Variants in NMD3 observed in about 807,000 individuals in gnomAD.
NMD3 encodes the protein 60S ribosomal export protein NMD3.
A neutral mutation model predicts 73.1 loss-of-function variants in NMD3; 47 were observed. The ratio of observed to expected loss-of-function variants is 0.64; its 90% CI spans 0.51 to 0.82. The LOEUF (loss-of-function observed/expected upper bound fraction) is 0.82. NMD3 is among the 40% of genes least tolerant of loss of function. The pLI is 0.00. For missense variants in NMD3, 554 were observed against 612.5 expected (o/e 0.90, Z 1.01); for synonymous variants, 210 against 194.5 (o/e 1.08, Z -0.66).
chr3:161,238,091 G>C, intron 7 of NMD3, 22 bp from the exon 8 acceptor site: 4 of 1,424,126 alleles, frequency 2.8e-6, no homozygotes, highest in Admixed American at 2.0e-5. Flanking sequence ...TATTTTCATA[G>C]GGCTTTTTTT....
chr3:161,244,277 G>A (rs571129308), intron 11 of NMD3, among the ~76,000 whole-genome samples: 1 of 152,130 alleles, frequency 6.6e-6, no homozygotes, highest in African/African-American at 2.4e-5. Flanking sequence ...CCACAAGTAT[G>A]TGCCACCATG....
chr3:161,234,968 T>C, intron 6 of NMD3, 113 bp downstream of exon 6: 1 of 1,099,100 alleles, frequency 9.1e-7, no homozygotes, highest in African/African-American at 1.6e-5. Context: ...AGCATTCACC[T>C]TTGGAAATAG....
chr3:161,250,248 A>G lies in NMD3; in HGVS notation c.1311-8A>G. ...TTGGTGATGAAATATTTAAATGTTT[A>G]TTTAAAGGCAATACCAAGATTTTCT... On this transcript the variant is annotated splice_region_variant and splice_polypyrimidine_tract_variant and intron_variant, in intron 14 of 15. Transcript: ENST00000351193. The G allele has an allele frequency of 4.8e-6, 7 of 1,472,792 alleles. No individual in the cohort carries two copies. The highest frequency in any genetic ancestry group is 6.6e-6 in the Non-Finnish European group (7 of 1,055,850). The allele number at this position is 1,472,792 out of a possible 1,614,324, so 91.2% of individuals were successfully genotyped here.
Position 161,250,756 on chromosome 3 carries a change from T to G in NMD3, c.1382-24T>G, listed in dbSNP as rs1172097124. On this transcript the variant is annotated intron_variant, in intron 15 of 15. Transcript: ENST00000351193. ...ATACATATAAATACTTTGTATTTAT[T>G]TTATTCTCTTTGTATTTTTTTAGAT... 2.0e-6 allele frequency: 3 copies of G among 1,506,268 alleles called. No individual in the cohort carries two copies. The South Asian group carries it at 3.5e-5, about 17-fold the overall frequency. The allele number at this position is 1,506,268 out of a possible 1,614,324, so 93.3% of individuals were successfully genotyped here. A position where few individuals can be genotyped will look rare whatever the true frequency, so the allele number is the denominator to read the frequency against.
In NMD3 at chr3:161,242,668, G is replaced by A. The variant is rs1737038755; in HGVS notation, c.1017+15G>A. ...TATCAAAAAAGGTAAGCTACATCCT[G>A]CCTGCCAGTGTATTTTTTTTTCCCC... is the stretch of plus-strand genomic sequence containing the variant. On this transcript the variant is annotated intron_variant, in intron 11 of 15. Transcript: ENST00000351193. 1.3e-6 allele frequency: 2 copies of A among 1,595,734 alleles called. No individual in the cohort carries two copies. Among genetic ancestry groups the A allele is most frequent in the Admixed American group, 1.7e-5 (1 of 57,360 alleles).
At chr3:161,237,749 T>C (rs1736818082) in intron 7 of NMD3, among the ~76,000 whole-genome samples, 1 of 151,884 alleles carries the variant, frequency 6.6e-6, no homozygotes. Flanking sequence ...AGAATGGTCT[T>C]GATCTCCTGA....
intron 8 of NMD3, 93 bp downstream of exon 8, chr3:161,238,284 T>A: frequency 1.2e-6 from 1 of 819,010 alleles, no homozygotes; most frequent in Non-Finnish European, 2.0e-6. Flanking sequence ...CTTCTCTTTA[T>A]TTAAAATCGT....
In NMD3 at chr3:161,221,958, C is replaced by CTTTTTT. The variant is rs376329329; in HGVS notation, c.-20-11_-20-6dup. The CTTTTTT allele has an allele frequency of 1.5e-4, 134 of 868,740 alleles. 2 individuals are homozygous for CTTTTTT. Among genetic ancestry groups the CTTTTTT allele is most frequent in the African/African-American group, 1.3e-3 (63 of 46,960 alleles). 53.8% of individuals were successfully genotyped at this position (868,740 alleles called of 1,614,324 possible). On this transcript the variant is annotated intron_variant, in intron 1 of 15. Coordinates refer to ENST00000351193, the MANE Select transcript of NMD3 (RefSeq NM_015938.5). ...AAAGTGATTTAAATCCCAACATTCT[C>CTTTTTT]TTTTTTTTTTTTTTTTTTTTTTTTT...
At chr3:161,238,964 C>A in intron 9 of NMD3, 138 bp downstream of exon 9, 1 of 487,802 alleles carries the variant, frequency 2.1e-6, no homozygotes, top group Non-Finnish European at 3.7e-6. Context: ...ACTTCTAACA[C>A]ATTCAGCCAT....
At chr3:161,248,356 G>T (rs962364905) in intron 13 of NMD3, among the ~76,000 whole-genome samples, 4 of 151,894 alleles carry the variant, frequency 2.6e-5, no homozygotes, top group African/African-American at 9.7e-5. Flanking sequence ...CAGGCGTGGT[G>T]GCATGCACCT....
intron 9 of NMD3, among the ~76,000 whole-genome samples, chr3:161,240,526 A>ATTT (rs539406360): frequency 9.0e-5 from 10 of 111,728 alleles, no homozygotes; most frequent in African/African-American, 1.5e-4. Flanking sequence ...TGGGCCCTGG[A>ATTT]TTTTTTTTTT....
chr3:161,240,107 T>C (rs1388864459), intron 9 of NMD3, among the ~76,000 whole-genome samples: 2 of 152,234 alleles, frequency 1.3e-5, no homozygotes, highest in African/African-American at 2.4e-5. Context: ...AGTATATTTG[T>C]TTATCTTTGG....
intron 4 of NMD3, among the ~76,000 whole-genome samples, chr3:161,233,166 T>C (rs1736606589): frequency 1.3e-5 from 2 of 152,258 alleles, no homozygotes; most frequent in Middle Eastern, 3.4e-3. Context: ...AATACTTTAA[T>C]TTTTGCTTAA....
At chr3:161,228,387 T>A (rs1024918947) in intron 4 of NMD3, among the ~76,000 whole-genome samples, 2 of 152,178 alleles carry the variant, frequency 1.3e-5, no homozygotes, top group African/African-American at 4.8e-5. Context: ...TTTGGTTTTT[T>A]TCGCTCCCCT....
Position 161,251,038 on chromosome 3 carries a change from T to C in NMD3, c.*128T>C, listed in dbSNP as rs1737468092. 2 of 646,482 alleles carry C rather than the reference T, an allele frequency of 3.1e-6. No homozygotes were observed. Among genetic ancestry groups the C allele is most frequent in the Non-Finnish European group, 5.1e-6 (2 of 389,218 alleles). 40.0% of individuals were successfully genotyped at this position (646,482 alleles called of 1,614,324 possible). A position where few individuals can be genotyped will look rare whatever the true frequency, so the allele number is the denominator to read the frequency against. On this transcript the variant is annotated 3_prime_UTR_variant, in exon 16 of 16. Transcript: ENST00000351193. ...TAGTTTTAAACCTGAATAAACATGT[T>C]TGTTTTCAGTGCTCACTCAAACCAC...
chr3:161,249,465 G>GA lies in NMD3; in HGVS notation c.1217dup (p.Ser407GlufsTer3). ...TATTTATCTTGCAGGTATTAATCAAGAAGAGCTATGACCGGACCAAACGTC... is the reference window on the plus strand; with the variant it reads ...TATTTATCTTGCAGGTATTAATCAAGAAAGAGCTATGACCGGACCAAACGTC... On this transcript the variant is annotated frameshift_variant, in exon 14 of 16. Transcript: ENST00000351193. LOFTEE classifies it high-confidence loss of function. 2 of 1,600,312 alleles carry GA rather than the reference G, an allele frequency of 1.2e-6. No homozygotes were observed. The highest frequency in any genetic ancestry group is 1.7e-6 in the Non-Finnish European group (2 of 1,173,808).
At chr3:161,248,064 G>A (rs1240848912) in intron 13 of NMD3, among the ~76,000 whole-genome samples, 2 of 151,972 alleles carry the variant, frequency 1.3e-5, no homozygotes, top group African/African-American at 2.4e-5. Context: ...GGGATTACAG[G>A]TGTCACCTAT....
chr3:161,221,926 A>T, intron 1 of NMD3, 68 bp from the exon 2 acceptor site: 1 of 975,188 alleles, frequency 1.0e-6, no homozygotes, highest in South Asian at 1.5e-5. Context: ...AAAAGAGGAG[A>T]CTAGGTAAAG....
intron 9 of NMD3, among the ~76,000 whole-genome samples, chr3:161,240,413 A>G (rs1736921487): frequency 1.3e-5 from 2 of 152,114 alleles, no homozygotes; most frequent in African/African-American, 2.4e-5. Flanking sequence ...CTCTCCTGCT[A>G]ATGTTTATAA....
Sources: gnomAD v4.1 joint callset for allele counts (sites outside exome capture counted in the v4.1 genomes callset) on GRCh38, gnomAD v4.1.1 for gene constraint, MANE v1.5 for transcripts, NCBI Gene and HGNC (gene_info 2026-07-23, HGNC 2026-07-21) for gene names.